Variants in PDE6B observed in about 807,000 individuals in gnomAD.
The protein encoded by PDE6B is rod cGMP-specific 3',5'-cyclic phosphodiesterase subunit beta.
A neutral mutation model predicts 109.0 loss-of-function variants in PDE6B; 106 were observed. The ratio of observed to expected loss-of-function variants is 0.97; its 90% confidence interval spans 0.83 to 1.14. The LOEUF is 1.14. Ranked by LOEUF, PDE6B falls within the 50% of genes most tolerant of loss-of-function variation. PDE6B has a pLI of 0.00. For missense variants in PDE6B, 1,193 were observed against 1,155.6 expected, an observed-to-expected ratio of 1.03 and a Z score of -0.47; for synonymous variants, 490 against 471.3, an observed-to-expected ratio of 1.04 and a Z score of -0.51.
intron 16 of PDE6B, 35 bp from the exon 17 acceptor site, chr4:664,079 C>T: frequency 7.0e-7 from 1 of 1,435,766 alleles, no homozygotes; most frequent in Non-Finnish European, 9.8e-7. Flanking sequence ...TCCACACTTG[C>T]TCCCACCTGC....
Position 625,980 on chromosome 4 carries a change from C to T in PDE6B, c.354C>T (p.Val118=), listed in dbSNP as rs1465909388. Residue 118 remains valine, a synonymous_variant, in exon 1 of 22, where the codon GTC becomes GTT. Transcript: ENST00000496514. This position sits in a 1 kb window ranked among gnomAD's most constrained non-coding sequence, Gnocchi z 5.0. Reference sequence around the variant, plus strand: ...TTTTCAGCGTGCAGCCGGACAGCGTCCTGGAGGACTGCCTGGTGCCCCCCG... The same window carrying T: ...TTTTCAGCGTGCAGCCGGACAGCGTTCTGGAGGACTGCCTGGTGCCCCCCG... ...TRLFSVQPDS[V]LEDCLVPPDS... 6 of 1,584,216 alleles carry T rather than the reference C, an allele frequency of 3.8e-6. No individual in the cohort carries two copies. Among genetic ancestry groups the T allele is most frequent in the Non-Finnish European group, 5.1e-6 (6 of 1,165,468 alleles).
intron 2 of PDE6B, 40 bp downstream of exon 2, chr4:634,869 CCCTGCCTG>C: frequency 6.3e-7 from 1 of 1,579,368 alleles, no homozygotes; most frequent in Non-Finnish European, 8.7e-7. Context: ...GCGTCTGCCT[CCCTGCCTG>C]CCTGCCCGCC....
rs1403822109 is a variant in PDE6B at position 662,673 on chromosome 4, G to A, written c.1832+55G>A. 2 of 1,129,536 alleles carry A rather than the reference G, an allele frequency of 1.8e-6. No individual in the cohort carries two copies. 70.0% of individuals were successfully genotyped at this position (1,129,536 alleles called of 1,614,324 possible). On this transcript the variant is annotated intron_variant, in intron 14 of 21. Coordinates refer to ENST00000496514, the MANE Select transcript of PDE6B (RefSeq NM_000283.4). This position sits in a 1 kb window ranked among gnomAD's most constrained non-coding sequence, Gnocchi z 4.3. ...AGCCCTAAATCAACTCCACGCCCTTGGCGTGAATTAGGCTTCGCATAGCAG... is the reference window on the plus strand; with the variant it reads ...AGCCCTAAATCAACTCCACGCCCTTAGCGTGAATTAGGCTTCGCATAGCAG...
chr4:659,069 G>A (rs1736715468), intron 11 of PDE6B, 52 bp downstream of exon 11: 10 of 1,337,708 alleles, frequency 7.5e-6, no homozygotes, highest in Non-Finnish European at 1.1e-5. Flanking sequence ...GTGTGAGGCT[G>A]GGAGGAAGAG....
chr4:634,605 A>G, intron 1 of PDE6B, 72 bp from the exon 2 acceptor site: 1 of 1,266,466 alleles, frequency 7.9e-7, no homozygotes, highest in Non-Finnish European at 1.2e-6. Flanking sequence ...GAGCTTGACG[A>G]CAACCCCAGT....
rs897441399 is a variant in PDE6B, at chr4:653,162, G to C, written c.712-690G>C. 1.2e-5 allele frequency: 12 copies of C among 992,296 alleles called. No individual in the cohort carries two copies. The African/African-American group carries it at 2.1e-4, about 17-fold the overall frequency. The allele number at this position is 992,296 out of a possible 1,614,324, so 61.5% of individuals were successfully genotyped here. A position where few individuals can be genotyped will look rare whatever the true frequency, so the allele number is the denominator to read the frequency against. The stretch of plus-strand genomic sequence containing the variant: ...AACTTCAGAGGGCCTGGCAGGGAGA[G>C]AGCTGGGCTAGGACACCGCAGCGGA... On this transcript the variant is annotated intron_variant, in intron 3 of 21. Coordinates refer to ENST00000496514, the MANE Select transcript of PDE6B (RefSeq NM_000283.4).
rs1216122109 is a variant in PDE6B, at chr4:648,214, G to A, written c.712-5638G>A. On this transcript the variant is annotated intron_variant, in intron 3 of 21. Transcript: ENST00000496514. The surrounding 1 kb of genome is among the most constrained non-coding windows in gnomAD (Gnocchi z 4.5). ...TTGTTTCCAGCCTCTCAGTCTGCAGGCATGTGGAGACCAGCTCAAGGTTCT... is the reference window on the plus strand; with the variant it reads ...TTGTTTCCAGCCTCTCAGTCTGCAGACATGTGGAGACCAGCTCAAGGTTCT... Among the ~76,000 whole-genome samples, 1 of 152,030 alleles carries A rather than the reference G, an allele frequency of 6.6e-6. No individual in the cohort carries two copies. The highest frequency in any genetic ancestry group is 2.1e-4 in the South Asian group (1 of 4,826).
chr4:645,884 C>A (rs1477203885), intron 3 of PDE6B, among the ~76,000 whole-genome samples: 1 of 152,030 alleles, frequency 6.6e-6, no homozygotes, highest in Non-Finnish European at 1.5e-5. Context: ...TAGAGTGTGG[C>A]TATCTTACCA....
At chr4:668,699 C>T (rs1738109535) in intron 21 of PDE6B, among the ~76,000 whole-genome samples, 1 of 115,278 alleles carries the variant, frequency 8.7e-6, no homozygotes, top group African/African-American at 4.1e-5. Context: ...CCCGCTATGC[C>T]ATGCTATTCC....
chr4:669,666 G>C (rs796916255), intron 21 of PDE6B, among the ~76,000 whole-genome samples: 14 of 29,944 alleles, frequency 4.7e-4, no homozygotes, highest in African/African-American at 5.8e-4. Context: ...TTCCCGCTAC[G>C]CCATGCTATT....
intron 1 of PDE6B, among the ~76,000 whole-genome samples, chr4:630,724 C>T (rs1432217426): frequency 3.3e-5 from 5 of 152,198 alleles, no homozygotes; most frequent in Admixed American, 6.5e-5. Context: ...AGAACCTCCG[C>T]GGTGGCCAAG....
chr4:637,768 TC>T (rs1359716801), intron 3 of PDE6B, among the ~76,000 whole-genome samples: 1 of 152,194 alleles, frequency 6.6e-6, no homozygotes, highest in Non-Finnish European at 1.5e-5. Flanking sequence ...CTGCAAATGT[TC>T]CTGCACGTGA....
chr4:637,838 C>T (rs1202051324), intron 3 of PDE6B, among the ~76,000 whole-genome samples: 1 of 152,264 alleles, frequency 6.6e-6, no homozygotes, highest in Non-Finnish European at 1.5e-5. Flanking sequence ...CACATTCTGG[C>T]TTCTTCCTCT....
chr4:641,806 C>T (rs1337585831), intron 3 of PDE6B, among the ~76,000 whole-genome samples: 1 of 152,080 alleles, frequency 6.6e-6, no homozygotes. Flanking sequence ...ATCACCATGC[C>T]CACCTAATTT....
rs1315339523 is a variant in PDE6B, at chr4:664,867, G to A, written c.2130-14G>A. ...AGACGCCCATCAGCACTCGTGCCCG[G>A]TTTGTGTCTGCAGGGCCATGATGAT... On this transcript the variant is annotated splice_polypyrimidine_tract_variant and intron_variant, in intron 17 of 21. Coordinates refer to ENST00000496514, the MANE Select transcript of PDE6B (RefSeq NM_000283.4). 1 of 1,611,884 alleles carries A rather than the reference G, an allele frequency of 6.2e-7. No homozygotes were observed. Among genetic ancestry groups the A allele is most frequent in the Admixed American group, 1.7e-5 (1 of 60,034 alleles).
intron 8 of PDE6B, 92 bp downstream of exon 8, chr4:656,384 TA>T (rs2109210775): frequency 1.1e-6 from 1 of 909,898 alleles, no homozygotes; most frequent in East Asian, 2.4e-5. Context: ...TTTTGCCACT[TA>T]AAAAACAACT....
At chr4:643,712 A>G (rs1168012690) in intron 3 of PDE6B, among the ~76,000 whole-genome samples, 1 of 151,850 alleles carries the variant, frequency 6.6e-6, no homozygotes, top group Non-Finnish European at 1.5e-5. Flanking sequence ...GAGTTGTCAT[A>G]ATATTTATTA....
Position 670,078 on chromosome 4 carries a change from C to A in PDE6B, c.2536C>A (p.Pro846Thr). The A allele has an allele frequency of 6.2e-7, 1 of 1,613,166 alleles. No homozygotes were observed. Among genetic ancestry groups the A allele is most frequent in the Non-Finnish European group, 8.5e-7 (1 of 1,179,614 alleles). The change falls in exon 22 of 22, where the codon CCC becomes ACC. Residue 846 changes from proline to threonine, a missense_variant. Transcript: ENST00000496514. ...GTEICNGGPA[P>T]KSSTCCIL ...AGAAATTTGCAATGGCGGCCCAGCA[C>A]CCAAGTCTTCAACCTGCTGTATCCT...
rs760168093 is a variant in PDE6B, at chr4:660,570, A to G, written c.1571A>G (p.Tyr524Cys). The G allele has an allele frequency of 6.2e-7, 1 of 1,613,848 alleles. No individual in the cohort carries two copies. The highest frequency in any genetic ancestry group is 1.1e-5 in the South Asian group (1 of 91,076). Residue 524 changes from tyrosine (Y) to cysteine (C), a missense_variant, in exon 12 of 22, where the codon TAC (tyrosine) becomes TGC (cysteine). Physicochemically the swap from Tyr to Cys is radical, Grantham distance 194. Coordinates refer to ENST00000496514, the MANE Select transcript of PDE6B (RefSeq NM_000283.4). ...CTGGTCAAATGTGGCATCCAGATGT[A>G]CTACGAGCTGGGCGTGGTCCGAAAG... ...LDLVKCGIQM[Y>C]YELGVVRKFQ...
Sources: allele counts gnomAD v4.1 joint callset (sites outside exome capture counted in the v4.1 genomes callset), GRCh38; gene constraint gnomAD v4.1.1; non-coding constraint Gnocchi (gnomAD v3.1); transcripts MANE v1.5; gene names NCBI Gene and HGNC (gene_info 2026-07-23, HGNC 2026-07-21).